The following MAGI1 variants were observed in gnomAD, a reference collection of about 807,000 sequenced individuals.
The protein encoded by MAGI1 is membrane-associated guanylate kinase, WW and PDZ domain-containing protein 1.
Under a neutral mutation model 139.9 loss-of-function variants are expected in MAGI1, and 58 were observed. That is an observed-to-expected ratio of 0.41 (90% confidence interval 0.34 to 0.52). MAGI1 has a LOEUF of 0.52. Ranked by LOEUF, MAGI1 falls within the 20% of genes least tolerant of loss-of-function variation. The pLI, the probability that MAGI1 is intolerant of heterozygous loss-of-function variation, is 0.12. For synonymous variants in MAGI1, 812 were observed against 737.9 expected, an observed-to-expected ratio of 1.10 and a Z score of -1.63; for missense variants, 1,874 against 1,901.6, an observed-to-expected ratio of 0.99 and a Z score of 0.27.
chr3:65,428,239 T>G (rs953290098), intron 12 of MAGI1, among the ~76,000 whole-genome samples: 1 of 152,172 alleles, frequency 6.6e-6, no homozygotes, highest in Non-Finnish European at 1.5e-5. Context: ...GGCCTGAATA[T>G]GTTGTTCATG....
At chr3:65,952,118 A>G (rs1336438222) in intron 1 of MAGI1, among the ~76,000 whole-genome samples, 1 of 151,982 alleles carries the variant, frequency 6.6e-6, no homozygotes, top group Admixed American at 6.5e-5. Flanking sequence ...AAGTGTAGAT[A>G]GATAACTCTT....
At chr3:65,914,585 G>T (rs983296652) in intron 1 of MAGI1, among the ~76,000 whole-genome samples, 2 of 152,190 alleles carry the variant, frequency 1.3e-5, no homozygotes, top group Non-Finnish European at 2.9e-5. Flanking sequence ...AACAAAACAG[G>T]TGCAGTCCAA....
intron 1 of MAGI1, among the ~76,000 whole-genome samples, chr3:65,843,192 G>A (rs2058867905): frequency 1.3e-5 from 2 of 152,156 alleles, no homozygotes; most frequent in South Asian, 4.1e-4. Context: ...TGTCTTAGGT[G>A]ATCTCTCATT....
At chr3:65,531,867 T>C (rs2078728579) in intron 2 of MAGI1, among the ~76,000 whole-genome samples, 1 of 152,214 alleles carries the variant, frequency 6.6e-6, no homozygotes, top group African/African-American at 2.4e-5. Flanking sequence ...GTTAATACAC[T>C]AAAGTGCTTC....
In MAGI1 at chr3:65,355,983, ATTAAAC is replaced by A. The variant is rs1171625640; in HGVS notation, c.*389_*394del. On this transcript the variant is annotated 3_prime_UTR_variant, in exon 23 of 23. Coordinates refer to ENST00000402939, the MANE Select transcript of MAGI1 (RefSeq NM_001033057.2). ...CTACATGACAGTCTATATCAAATTAATTAAACTTAATCAATAAATTCCCTTACGTAG... is the reference window on the plus strand; with the variant it reads ...CTACATGACAGTCTATATCAAATTAATTAATCAATAAATTCCCTTACGTAG... 6.2e-6 allele frequency: 1 copy of A among 160,654 alleles called. No homozygotes were observed. The highest frequency in any genetic ancestry group is 2.4e-5 in the African/African-American group (1 of 41,650). 10.0% of individuals were successfully genotyped at this position (160,654 alleles called of 1,614,324 possible). A position where few individuals can be genotyped will look rare whatever the true frequency, so the allele number is the denominator to read the frequency against.
chr3:65,395,322 G>A (rs1018406477), intron 13 of MAGI1, among the ~76,000 whole-genome samples: 8 of 151,884 alleles, frequency 5.3e-5, no homozygotes, highest in African/African-American at 1.9e-4. Context: ...AGGTGGTAAA[G>A]AGAGGACTCT....
At chr3:65,815,077 T>C (rs2041514064) in intron 1 of MAGI1, among the ~76,000 whole-genome samples, 1 of 152,212 alleles carries the variant, frequency 6.6e-6, no homozygotes. Context: ...GTTGCTGCCA[T>C]GAGAGCCCCT....
chr3:65,593,913 A>C (rs1325167090), intron 2 of MAGI1, among the ~76,000 whole-genome samples: 1 of 152,188 alleles, frequency 6.6e-6, no homozygotes. Flanking sequence ...CTGCCCTTTC[A>C]GGTCAGATAA....
intron 2 of MAGI1, among the ~76,000 whole-genome samples, chr3:65,505,857 C>A (rs2077264947): frequency 1.3e-5 from 2 of 151,822 alleles, no homozygotes; most frequent in Admixed American, 6.6e-5. Flanking sequence ...TCTTACACTG[C>A]AGAGATGTAA....
intron 1 of MAGI1, among the ~76,000 whole-genome samples, chr3:65,671,290 T>C (rs2086842419): frequency 1.3e-5 from 2 of 152,154 alleles, no homozygotes; most frequent in Non-Finnish European, 2.9e-5. Flanking sequence ...ACTACTGGCA[T>C]TTGGGGCTGG....
intron 1 of MAGI1, among the ~76,000 whole-genome samples, chr3:65,781,488 C>T (rs1000209749): frequency 6.6e-6 from 1 of 152,050 alleles, no homozygotes; most frequent in African/African-American, 2.4e-5. Flanking sequence ...TATATAAACA[C>T]GTACGTGGTG....
At chr3:65,553,967 G>A (rs2079971133) in intron 2 of MAGI1, among the ~76,000 whole-genome samples, 1 of 152,190 alleles carries the variant, frequency 6.6e-6, no homozygotes, top group Admixed American at 6.5e-5. Context: ...GACTACAGTA[G>A]TGTTGCTCAC....
intron 1 of MAGI1, among the ~76,000 whole-genome samples, chr3:65,751,076 T>C (rs1188665949): frequency 2.6e-5 from 4 of 152,340 alleles, no homozygotes; most frequent in Non-Finnish European, 5.9e-5. Context: ...AATGTGTTTA[T>C]TGTGTGCACA....
intron 1 of MAGI1, among the ~76,000 whole-genome samples, chr3:65,730,527 C>T (rs1285157096): frequency 1.3e-5 from 2 of 152,208 alleles, no homozygotes; most frequent in Non-Finnish European, 2.9e-5. Flanking sequence ...GTCGCATATA[C>T]AACTCTAGAC....
At position 65,653,014 on chromosome 3, in the gene MAGI1, G is replaced by A. The variant is rs2085671859; in HGVS notation, c.314-30926C>T. On this transcript the variant is annotated intron_variant, in intron 1 of 22. Transcript: ENST00000402939. Reference sequence around the variant, plus strand: ...GTGAGTCATCAGAAGTCTACCAGGAGAGCTTATCCAGCAAGAATCCGGGTC... The same window carrying A: ...GTGAGTCATCAGAAGTCTACCAGGAAAGCTTATCCAGCAAGAATCCGGGTC... Among the ~76,000 whole-genome samples, 3 of 152,270 alleles carry A rather than the reference G, an allele frequency of 2.0e-5. No individual in the cohort carries two copies. The South Asian group carries it at 6.2e-4, about 32-fold the overall frequency.
intron 12 of MAGI1, among the ~76,000 whole-genome samples, chr3:65,410,003 C>A (rs4446163): frequency 0.31 from 47,672 of 152,100 alleles, 9,967 homozygotes; most frequent in Non-Finnish European, 0.47. Flanking sequence ...GCTTGCAAAG[C>A]TGGTGATTCC....
chr3:66,031,718 A>C (rs546839080), intron 1 of MAGI1, among the ~76,000 whole-genome samples: 5 of 152,234 alleles, frequency 3.3e-5, no homozygotes, highest in Non-Finnish European at 7.4e-5. Flanking sequence ...TACAAAGTAC[A>C]ATTTAAGAGC....
intron 2 of MAGI1, among the ~76,000 whole-genome samples, chr3:65,503,900 G>A (rs1462446195): frequency 6.6e-6 from 1 of 152,260 alleles, no homozygotes; most frequent in Non-Finnish European, 1.5e-5. Flanking sequence ...TATTCAAACC[G>A]TCCATGTATC....
chr3:65,819,148 T>G (rs1353715413), intron 1 of MAGI1, among the ~76,000 whole-genome samples: 6 of 151,960 alleles, frequency 3.9e-5, no homozygotes, highest in Non-Finnish European at 5.9e-5. Context: ...GCGGGGTGTG[T>G]TGGAGCATGC....
Sources: allele counts gnomAD v4.1 joint callset (sites outside exome capture counted in the v4.1 genomes callset), GRCh38; gene constraint gnomAD v4.1.1; transcripts MANE v1.5; gene names NCBI Gene and HGNC (gene_info 2026-07-23, HGNC 2026-07-21).